The following DST variants were observed in gnomAD, a reference collection of about 807,000 sequenced individuals.
DST encodes dystonin.
In DST, 253 loss-of-function variants were observed where a neutral mutation model predicts 875.2. The observed-to-expected ratio is 0.29, with a 90% CI of 0.26 to 0.32. The LOEUF (loss-of-function observed/expected upper bound fraction) is 0.32, where lower values mean the gene tolerates loss of function less well. Ranked by LOEUF, DST falls within the 10% of genes least tolerant of loss-of-function variation. The pLI is 1.00. For missense variants in DST, 8,287 were observed against 9,111.6 expected (o/e 0.91, Z 3.68); for synonymous variants, 3,124 against 3,197.1 (o/e 0.98, Z 0.77).
intron 4 of DST, among the ~76,000 whole-genome samples, chr6:56,794,591 G>A (rs1467400211): frequency 1.3e-5 from 2 of 152,156 alleles, no homozygotes; most frequent in East Asian, 3.8e-4. Flanking sequence ...GCAGCAGGTA[G>A]CCATGAAAGC....
intron 4 of DST, among the ~76,000 whole-genome samples, chr6:56,832,429 A>G (rs1219094346): frequency 5.3e-5 from 8 of 152,120 alleles, no homozygotes; most frequent in Admixed American, 5.2e-4. Flanking sequence ...GCTGCCATCC[A>G]TGTAAGACGT....
Position 56,529,536 on chromosome 6 carries a change from C to A in DST, c.17507G>T (p.Trp5836Leu), listed in dbSNP as rs1401474441. ...CAGTTTGTCATGCACTTCATTCAGC[C>A]AGTTCATCAGTTCAACTTCATCTTC... The part of the protein sequence containing the change: ...FGEDEVELMN[W>L]LNEVHDKLSK... Residue 5836 changes from tryptophan (W) to leucine (L), a missense_variant, in exon 66 of 104, where the codon TGG (tryptophan) becomes TTG (leucine). Transcript: ENST00000680361. The A allele has an allele frequency of 6.2e-7, 1 of 1,613,418 alleles. No homozygotes were observed. Among genetic ancestry groups the A allele is most frequent in the African/African-American group, 1.3e-5 (1 of 75,042 alleles).
Position 56,646,141 on chromosome 6 carries a change from A to C in DST, c.1596T>G (p.Ile532Met). The change falls in exon 14 of 104, where the codon ATT (isoleucine) becomes ATG (methionine). Residue 532 changes from isoleucine to methionine, a missense_variant. Ile to Met is a conservative substitution (Grantham distance 10). Around this residue, in one of 10 missense-constraint regions of DST, gnomAD observed 1,160 missense variants for 1,424.3 expected, o/e 0.81. Coordinates refer to ENST00000680361, the MANE Select transcript of DST (RefSeq NM_001374736.1). ...TTGATTTTTCTGTCTCCTTTGGTGG[A>C]ATTTCTGTTTCTTTAAACTGTAAAT... ...NQYLQFKETEIPPKETEKSKI... is the reference protein window; with the variant it reads ...NQYLQFKETEMPPKETEKSKI... 2 of 1,533,696 alleles carry C rather than the reference A, an allele frequency of 1.3e-6. No individual in the cohort carries two copies. Among genetic ancestry groups the C allele is most frequent in the African/African-American group, 2.8e-5 (2 of 72,500 alleles).
At chr6:56,583,095 C>T (rs963960263) in intron 49 of DST, among the ~76,000 whole-genome samples, 1 of 152,136 alleles carries the variant, frequency 6.6e-6, no homozygotes, top group African/African-American at 2.4e-5. Context: ...ATTTACAGAC[C>T]TTTGGGTATA....
At chr6:56,647,401 T>G (rs75828095) in intron 13 of DST, among the ~76,000 whole-genome samples, 1,877 of 152,242 alleles carry the variant, frequency 0.012, 126 homozygotes, top group Admixed American at 0.11. Flanking sequence ...AAGGACAAAC[T>G]CCCCGTGGCA....
chr6:56,630,415 TG>T, intron 30 of DST, 32 bp from the exon 31 acceptor site: 1 of 1,596,276 alleles, frequency 6.3e-7, no homozygotes. Flanking sequence ...TAGCCACCTA[TG>T]GTTAAATGTT....
intron 4 of DST, among the ~76,000 whole-genome samples, chr6:56,831,719 A>G (rs563788742): frequency 2.0e-4 from 31 of 152,024 alleles, no homozygotes; most frequent in African/African-American, 6.8e-4. Flanking sequence ...ATTAAACCAC[A>G]TGTTCCAAAC....
intron 50 of DST, among the ~76,000 whole-genome samples, chr6:56,578,428 C>T (rs1164386577): frequency 4.6e-5 from 7 of 152,024 alleles, no homozygotes; most frequent in Admixed American, 3.9e-4. Context: ...CTTAAACCCA[C>T]GTTCCCACTA....
rs1184918973 is a variant in DST at position 56,555,451 on chromosome 6, G to C, written c.15030C>G (p.Leu5010=). 1.2e-6 allele frequency: 2 copies of C among 1,613,864 alleles called. No homozygotes were observed. Among genetic ancestry groups the C allele is most frequent in the East Asian group, 2.2e-5 (1 of 44,896 alleles). ...EKKQIKVAQA[L]CEDLSALVKE... is the part of the protein sequence containing the mutation. ...TAACCAGTGCTGACAAATCCTCACA[G>C]AGTGCCTGGGCCACTTTTATCTGCT... The change falls in exon 60 of 104, where the codon CTC becomes CTG. Residue 5010 remains leucine (L), a synonymous_variant. Transcript: ENST00000680361.
intron 4 of DST, among the ~76,000 whole-genome samples, chr6:56,806,956 T>G (rs1451373351): frequency 2.0e-5 from 3 of 152,196 alleles, no homozygotes; most frequent in Non-Finnish European, 4.4e-5. Context: ...TAGCTCTATA[T>G]ACCTATAAAG....
At chr6:56,873,444 T>C (rs1778269757) in intron 3 of DST, among the ~76,000 whole-genome samples, 1 of 152,192 alleles carries the variant, frequency 6.6e-6, no homozygotes, top group African/African-American at 2.4e-5. Flanking sequence ...AATAGCAAGA[T>C]ATGAAATCAA....
chr6:56,784,811 G>T (rs1397312165), intron 4 of DST, among the ~76,000 whole-genome samples: 1 of 152,202 alleles, frequency 6.6e-6, no homozygotes, highest in African/African-American at 2.4e-5. Flanking sequence ...CTGCTTTTTA[G>T]AGTTTCCAGT....
chr6:56,744,447 G>A (rs4574644), intron 4 of DST, among the ~76,000 whole-genome samples: 7,099 of 151,860 alleles, frequency 0.047, 503 homozygotes, highest in African/African-American at 0.15. Flanking sequence ...AAGAAAGGAC[G>A]CTAGTCAGTT....
chr6:56,703,175 A>T (rs2099318049), intron 7 of DST, among the ~76,000 whole-genome samples: 1 of 152,202 alleles, frequency 6.6e-6, no homozygotes, highest in African/African-American at 2.4e-5. Flanking sequence ...ATGTCCATCA[A>T]ATACCTATTG....
At chr6:56,528,962 A>G in intron 66 of DST, 37 bp from the exon 67 acceptor site, 1 of 1,323,006 alleles carries the variant, frequency 7.6e-7, no homozygotes. Context: ...TGGGGGGAAA[A>G]ACATTTAAGT....
At chr6:56,954,375 A>G (rs1341654833) in intron 1 of DST, 32 bp downstream of exon 1, 7 of 1,349,034 alleles carry the variant, frequency 5.2e-6, no homozygotes, top group Non-Finnish European at 6.9e-6. Flanking sequence ...TGTTCCTGGT[A>G]GCCCGCAGAA....
At chr6:56,719,965 G>C (rs2099408658) in intron 5 of DST, among the ~76,000 whole-genome samples, 1 of 152,222 alleles carries the variant, frequency 6.6e-6, no homozygotes, top group South Asian at 2.1e-4. Flanking sequence ...AATTAGAATT[G>C]CTAATGAAGT....
rs552483561 is a variant in DST at position 56,798,881 on chromosome 6, G to T, written c.625+52516C>A. 4.6e-5 allele frequency among the ~76,000 whole-genome samples: 7 copies of T among 152,288 alleles called. No individual in the cohort carries two copies. In the South Asian group the frequency reaches 1.5e-3, roughly 32 times the overall value. ...CAAACCCTCATGGATGACTTTGAAG[G>T]GTTGAGGACTTCAGTCCAGGAAGTA... On this transcript the variant is annotated intron_variant, in intron 4 of 103. Coordinates refer to ENST00000680361, the MANE Select transcript of DST (RefSeq NM_001374736.1).
intron 97 of DST, 117 bp from the exon 98 acceptor site, chr6:56,469,116 T>C: frequency 3.0e-6 from 2 of 674,374 alleles, no homozygotes; most frequent in African/African-American, 1.8e-5. Context: ...GTATCTAGTT[T>C]AGAGATGTGC....
Sources: gnomAD v4.1 joint callset for allele counts (sites outside exome capture counted in the v4.1 genomes callset) on GRCh38, gnomAD v4.1.1 for gene constraint, gnomAD v4.1.1 regional missense constraint, MANE v1.5 for transcripts, NCBI Gene and HGNC (gene_info 2026-07-23, HGNC 2026-07-21) for gene names.